Variants in ADCY9 observed in about 807,000 individuals in gnomAD.
ADCY9 encodes the protein adenylate cyclase type 9.
Under a neutral mutation model 101.5 loss-of-function variants are expected in ADCY9, and 50 were observed. The ratio of observed to expected loss-of-function variants is 0.49; its 90% confidence interval spans 0.39 to 0.62. ADCY9 has a LOEUF of 0.62. Ranked by LOEUF, ADCY9 falls within the 20% of genes least tolerant of loss-of-function variation. The pLI is 0.00. For missense variants in ADCY9, 1,662 were observed against 1,800.4 expected (o/e 0.92, Z 1.39); for synonymous variants, 905 against 769.3 (o/e 1.18, Z -2.92).
intron 2 of ADCY9, among the ~76,000 whole-genome samples, chr16:4,093,471 C>T (rs1313030325): frequency 6.6e-6 from 1 of 152,102 alleles, no homozygotes; most frequent in Non-Finnish European, 1.5e-5. Flanking sequence ...TTCAGGAAAA[C>T]GTCTGGACAC....
chr16:3,967,793 G>A (rs1311284529), intron 10 of ADCY9, among the ~76,000 whole-genome samples: 3 of 150,830 alleles, frequency 2.0e-5, no homozygotes, highest in African/African-American at 7.3e-5. Context: ...TGCTTCCTGA[G>A]TTCAAGTGAT....
chr16:4,090,706 GA>G (rs1380517876), intron 2 of ADCY9, among the ~76,000 whole-genome samples: 1 of 150,698 alleles, frequency 6.6e-6, no homozygotes, highest in Non-Finnish European at 1.5e-5. Flanking sequence ...GAGTTGTTGA[GA>G]TTTTTTTTTT....
intron 2 of ADCY9, among the ~76,000 whole-genome samples, chr16:4,071,157 C>G (rs1379963820): frequency 6.9e-6 from 1 of 143,908 alleles, no homozygotes; most frequent in Admixed American, 6.9e-5. Flanking sequence ...TGGTAATATC[C>G]CATCTCTCCT....
rs1410363856 is a variant in ADCY9, at chr16:3,976,238, C to T, written c.2828+1244G>A. Among the ~76,000 whole-genome samples the T allele has an allele frequency of 4.6e-5, 7 of 152,254 alleles. No homozygotes were observed. The East Asian group carries it at 9.7e-4, about 21-fold the overall frequency. ...AACTCCTGAGCTCAGACAATCCACC[C>T]GCTTCAGCCTCCCAAAAGTGGTAGG... On this transcript the variant is annotated intron_variant, in intron 9 of 10. Transcript: ENST00000294016.
chr16:4,044,046 G>T (rs1230651944), intron 2 of ADCY9, among the ~76,000 whole-genome samples: 1 of 151,890 alleles, frequency 6.6e-6, no homozygotes, highest in East Asian at 1.9e-4. Context: ...AAACTACAAA[G>T]AATCTTTTTA....
At chr16:3,956,870 G>C (rs1190013300) in intron 5 of ADCY9, among the ~76,000 whole-genome samples, 1 of 151,906 alleles carries the variant, frequency 6.6e-6, no homozygotes, top group Non-Finnish European at 1.5e-5. Context: ...TGGATAATTT[G>C]GTTACTCTGT....
intron 2 of ADCY9, among the ~76,000 whole-genome samples, chr16:4,089,288 A>T (rs2056958957): frequency 6.6e-6 from 1 of 151,474 alleles, no homozygotes; most frequent in Non-Finnish European, 1.5e-5. Context: ...CTGGTCTCGA[A>T]CTCCTGGGCT....
At position 3,965,829 on chromosome 16, in the gene ADCY9, T is replaced by C. The variant is rs1333047664; in HGVS notation, c.4008A>G (p.Thr1336=). The stretch of plus-strand genomic sequence containing the variant: ...TGAGTTCGTTGGCTTCTTCTATTCC[T>C]GTTTCGTCACAGTCGTCTTTCTCTA... ...KAIEKDDCDE[T]GIEEANELTK... The change falls in exon 11 of 11, where the codon ACA becomes ACG. Residue 1336 remains threonine (T), a synonymous_variant. Transcript: ENST00000294016. 6.2e-7 allele frequency: 1 copy of C among 1,614,170 alleles called. No homozygotes were observed. The highest frequency in any genetic ancestry group is 1.7e-5 in the Admixed American group (1 of 60,014).
At chr16:4,011,796 C>T (rs184720451) in intron 2 of ADCY9, among the ~76,000 whole-genome samples, 131 of 152,222 alleles carry the variant, frequency 8.6e-4, no homozygotes, top group Non-Finnish European at 1.6e-3. Context: ...TCATCGCTGC[C>T]TCTCAGTTTC....
At chr16:4,002,004 C>T (rs953836414) in intron 3 of ADCY9, among the ~76,000 whole-genome samples, 2 of 152,268 alleles carry the variant, frequency 1.3e-5, no homozygotes, top group Middle Eastern at 3.4e-3. Flanking sequence ...CTGCCTTGGC[C>T]TCCCAAAGTG....
At chr16:4,023,454 T>A (rs190467821) in intron 2 of ADCY9, among the ~76,000 whole-genome samples, 414 of 152,246 alleles carry the variant, frequency 2.7e-3, no homozygotes, top group African/African-American at 9.2e-3. Context: ...TGCGGTGGTG[T>A]AGGTCTGGGG....
intron 2 of ADCY9, among the ~76,000 whole-genome samples, chr16:4,059,195 G>A (rs1019862566): frequency 6.6e-6 from 1 of 151,826 alleles, no homozygotes; most frequent in African/African-American, 2.4e-5. Flanking sequence ...AGACCAGCCT[G>A]GCCAACATGA....
intron 2 of ADCY9, among the ~76,000 whole-genome samples, chr16:4,101,590 T>G (rs1289358764): frequency 6.6e-6 from 1 of 152,294 alleles, no homozygotes; most frequent in South Asian, 2.1e-4. Flanking sequence ...TACAGATTAT[T>G]TGATCACTGT....
Position 3,954,297 on chromosome 16 carries a change from C to T in ADCY9, c.568-781G>A, listed in dbSNP as rs139545752. The stretch of plus-strand genomic sequence containing the variant: ...CGACATCCACTCTTCTGGGCATTCC[C>T]AGCCTGTCCTCTGCTCTGTCCCTGC... On this transcript the variant is annotated intron_variant, in intron 5 of 5. Transcript: ENST00000576936. Among the ~76,000 whole-genome samples the T allele has an allele frequency of 3.8e-4, 58 of 152,338 alleles. No homozygotes were observed. In the East Asian group the frequency reaches 0.01, roughly 26 times the overall value.
At chr16:4,055,288 T>A (rs541618227) in intron 2 of ADCY9, among the ~76,000 whole-genome samples, 6 of 152,276 alleles carry the variant, frequency 3.9e-5, no homozygotes, top group African/African-American at 1.2e-4. Flanking sequence ...ATCCCAGTAC[T>A]TTGGGAGGCT....
intron 6 of ADCY9, 72 bp from the exon 7 acceptor site, chr16:3,983,512 A>T: frequency 7.7e-7 from 1 of 1,294,812 alleles, no homozygotes; most frequent in South Asian, 1.3e-5. Flanking sequence ...CAGATGGAGA[A>T]ACAGGCAACA....
At chr16:4,037,096 G>A (rs180847226) in intron 2 of ADCY9, among the ~76,000 whole-genome samples, 65 of 152,114 alleles carry the variant, frequency 4.3e-4, no homozygotes, top group Non-Finnish European at 6.5e-4. Context: ...TGGGACAATC[G>A]CTTGAGCCCC....
downstream of ADCY9, among the ~76,000 whole-genome samples, chr16:3,958,409 G>A (rs2055919167): frequency 6.6e-6 from 1 of 151,670 alleles, no homozygotes; most frequent in African/African-American, 2.4e-5. Flanking sequence ...GTGTGGTGGT[G>A]TGCACCTGTA....
intron 2 of ADCY9, among the ~76,000 whole-genome samples, chr16:4,079,029 G>T (rs1024285870): frequency 6.6e-6 from 1 of 152,158 alleles, no homozygotes; most frequent in Middle Eastern, 3.4e-3. Context: ...CAATGATGAT[G>T]TTTCATTACT....
Sources: gnomAD v4.1 joint callset for allele counts (sites outside exome capture counted in the v4.1 genomes callset) on GRCh38, gnomAD v4.1.1 for gene constraint, MANE v1.5 for transcripts, NCBI Gene and HGNC (gene_info 2026-07-23, HGNC 2026-07-21) for gene names.